BTF3: variants seen among roughly 807,000 people sequenced by gnomAD.
BTF3 encodes the protein transcription factor BTF3.
In BTF3, 12 loss-of-function variants were observed where a neutral mutation model predicts 23.9. That is an observed-to-expected ratio of 0.50 (90% CI 0.32 to 0.81). The LOEUF is 0.81. Among genes scored for constraint, BTF3 ranks in the 40% least tolerant of loss-of-function variants. The pLI, the probability that BTF3 is intolerant of heterozygous loss-of-function variation, is 0.03. For synonymous variants in BTF3, 96 were observed against 94.8 expected (o/e 1.01, Z -0.07); for missense variants, 215 against 255.9 (o/e 0.84, Z 1.09).
Position 73,498,444 on chromosome 5 carries a change from C to T in BTF3, c.-224C>T, listed in dbSNP as rs1338711060. On this transcript the variant is annotated 5_prime_UTR_variant, in exon 1 of 6. Coordinates refer to ENST00000380591, the MANE Select transcript of BTF3 (RefSeq NM_001037637.2). ...TGGCCTTGTGTCACTTCCGGCCTCC[C>T]TTTAGCTGCCATCTTGCGTCCCCGC... 1.5e-5 allele frequency: 8 copies of T among 531,206 alleles called. No homozygotes were observed. The East Asian group carries it at 1.8e-4, about 12-fold the overall frequency. 32.9% of individuals were successfully genotyped at this position (531,206 alleles called of 1,614,324 possible).
chr5:73,501,519 A>G (rs574588124), intron 2 of BTF3, among the ~76,000 whole-genome samples: 22 of 152,336 alleles, frequency 1.4e-4, no homozygotes, highest in Non-Finnish European at 3.2e-4. Context: ...GTAGTTGAGA[A>G]AGACCACTTT....
chr5:73,502,618 G>A lies in BTF3; in HGVS notation c.315+17G>A. 1 of 1,557,574 alleles carries A rather than the reference G, an allele frequency of 6.4e-7. No homozygotes were observed. On this transcript the variant is annotated intron_variant, in intron 3 of 5. Coordinates refer to ENST00000380591, the MANE Select transcript of BTF3 (RefSeq NM_001037637.2). ...ATTGAAGAGGCAAGTATCAAATTTT[G>A]TTACTTTAAAAAACAAGATTTGGCT...
chr5:73,504,449 A>C lies in BTF3; in HGVS notation c.574+46A>C, dbSNP rs779062571. On this transcript the variant is annotated intron_variant, in intron 5 of 5. Coordinates refer to ENST00000380591, the MANE Select transcript of BTF3 (RefSeq NM_001037637.2). ...TTAACCTAGAGAATCTTAGCAAGGG[A>C]GAATAAGAAATCTTTGTAGGAAAAA... The C allele has an allele frequency of 2.0e-6, 3 of 1,518,608 alleles. No homozygotes were observed. In the Admixed American group the frequency reaches 5.8e-5, roughly 29 times the overall value. 94.1% of individuals were successfully genotyped at this position (1,518,608 alleles called of 1,614,324 possible). A position where few individuals can be genotyped will look rare whatever the true frequency, so the allele number is the denominator to read the frequency against.
chr5:73,498,568 G>C lies in BTF3; in HGVS notation c.-100G>C. 1 of 1,396,698 alleles carries C rather than the reference G, an allele frequency of 7.2e-7. No individual in the cohort carries two copies. Among genetic ancestry groups the C allele is most frequent in the South Asian group, 1.6e-5 (1 of 63,266 alleles). The allele number at this position is 1,396,698 out of a possible 1,614,324, so 86.5% of individuals were successfully genotyped here. A position where few individuals can be genotyped will look rare whatever the true frequency, so the allele number is the denominator to read the frequency against. ...TATTCGCTCCGACAAGGTACAAAAA[G>C]GCTCTGGACGGCGGCGTGGTAGGAG... On this transcript the variant is annotated 5_prime_UTR_variant, in exon 1 of 6. Transcript: ENST00000380591.
intron 5 of BTF3, 140 bp from the exon 6 acceptor site, chr5:73,505,052 T>G: frequency 2.9e-6 from 2 of 680,898 alleles, no homozygotes; most frequent in Non-Finnish European, 4.8e-6. Flanking sequence ...TTTTTTTTTT[T>G]GCATTCTTGT....
rs1746371328 is a variant in BTF3, at chr5:73,499,122, C to T, written c.133-12C>T. ...TAAACCTATCCTTGCTGAGGATTTC[C>T]TCTTTTTCTAGATGAAAGAAACAAT... On this transcript the variant is annotated splice_polypyrimidine_tract_variant and intron_variant, in intron 1 of 5. Coordinates refer to ENST00000380591, the MANE Select transcript of BTF3 (RefSeq NM_001037637.2). 1 of 1,605,740 alleles carries T rather than the reference C, an allele frequency of 6.2e-7. No individual in the cohort carries two copies. The highest frequency in any genetic ancestry group is 1.1e-5 in the South Asian group (1 of 89,952).
chr5:73,502,485 T>C lies in BTF3; in HGVS notation c.202-3T>C, dbSNP rs761110349. The C allele has an allele frequency of 8.8e-6, 14 of 1,587,118 alleles. No homozygotes were observed. Among genetic ancestry groups the C allele is most frequent in the South Asian group, 7.0e-5 (6 of 85,836 alleles). Reference sequence around the variant, plus strand: ...TTTTCTTTCCTCTTCTCCCTGACTTTAGGGAACTGCTCGCAGAAAGAAGAA... The same window carrying C: ...TTTTCTTTCCTCTTCTCCCTGACTTCAGGGAACTGCTCGCAGAAAGAAGAA... On this transcript the variant is annotated splice_polypyrimidine_tract_variant and splice_region_variant and intron_variant, in intron 2 of 5. Transcript: ENST00000380591.
intron 5 of BTF3, 70 bp from the exon 6 acceptor site, chr5:73,505,122 C>A: frequency 8.0e-7 from 1 of 1,246,638 alleles, no homozygotes; most frequent in Non-Finnish European, 1.2e-6. Flanking sequence ...TCCTTCATCC[C>A]CTTTTAATAT....
intron 3 of BTF3, 57 bp from the exon 4 acceptor site, chr5:73,502,859 T>C: frequency 6.5e-7 from 1 of 1,543,024 alleles, no homozygotes; most frequent in Non-Finnish European, 8.9e-7. Context: ...TAATAAAACA[T>C]TTGTTTTTAA....
chr5:73,499,004 G>C, intron 1 of BTF3, 130 bp from the exon 2 acceptor site: 1 of 1,249,062 alleles, frequency 8.0e-7, no homozygotes, highest in Non-Finnish European at 1.1e-6. Flanking sequence ...AGCTTTGCGG[G>C]GTGGATTTGG....
rs1348213458 is a variant in BTF3, at chr5:73,499,205, A to G, written c.201+3A>G. The G allele has an allele frequency of 1.2e-6, 2 of 1,612,878 alleles. No homozygotes were observed. Among genetic ancestry groups the G allele is most frequent in the Non-Finnish European group, 1.7e-6 (2 of 1,179,926 alleles). On this transcript the variant is annotated splice_donor_region_variant and intron_variant, in intron 2 of 5. Transcript: ENST00000380591. ...CACAAGTGCGCATTGGTGGGAAAGT[A>G]AGTTTTAATAGTTCGGGTTTGTGGG...
At chr5:73,504,599 G>A in intron 5 of BTF3, 196 bp downstream of exon 5, 1 of 423,586 alleles carries the variant, frequency 2.4e-6, no homozygotes, top group Non-Finnish European at 4.2e-6. Flanking sequence ...TTTCTGTTTG[G>A]GATCCCAAGG....
At position 73,498,638 on chromosome 5, in the gene BTF3, AG is replaced by A; in HGVS notation, c.-27del. ...AGTTCCCTGAAGGAGCGAGACAGGG[AG>A]GGACAGGGCAGAGGAGGAGAGGAAG... On this transcript the variant is annotated 5_prime_UTR_variant, in exon 1 of 6. Coordinates refer to ENST00000380591, the MANE Select transcript of BTF3 (RefSeq NM_001037637.2). The A allele has an allele frequency of 6.8e-7, 1 of 1,467,190 alleles. No homozygotes were observed. The highest frequency in any genetic ancestry group is 8.9e-7 in the Non-Finnish European group (1 of 1,118,898). The allele number at this position is 1,467,190 out of a possible 1,614,324, so 90.9% of individuals were successfully genotyped here. A position where few individuals can be genotyped will look rare whatever the true frequency, so the allele number is the denominator to read the frequency against.
At chr5:73,502,872 A>G in intron 3 of BTF3, 44 bp from the exon 4 acceptor site, 1 of 1,570,008 alleles carries the variant, frequency 6.4e-7, no homozygotes, top group Non-Finnish European at 8.7e-7. Flanking sequence ...GTTTTTAAAG[A>G]GACTGGTCAG....
chr5:73,498,506 C>A lies in BTF3; in HGVS notation c.-162C>A. The A allele has an allele frequency of 9.3e-7, 1 of 1,071,746 alleles. No homozygotes were observed. The highest frequency in any genetic ancestry group is 1.2e-6 in the Non-Finnish European group (1 of 804,608). 66.4% of individuals were successfully genotyped at this position (1,071,746 alleles called of 1,614,324 possible). A position where few individuals can be genotyped will look rare whatever the true frequency, so the allele number is the denominator to read the frequency against. Reference sequence around the variant, plus strand: ...TAATCTCAGGTGGTCCACCCGAGACCCCTTGAGCACCAACCCTAGTCCCCC... The same window carrying A: ...TAATCTCAGGTGGTCCACCCGAGACACCTTGAGCACCAACCCTAGTCCCCC... On this transcript the variant is annotated 5_prime_UTR_variant, in exon 1 of 6. Transcript: ENST00000380591.
intron 5 of BTF3, 138 bp from the exon 6 acceptor site, chr5:73,505,054 C>G: frequency 4.2e-5 from 16 of 384,310 alleles, no homozygotes; most frequent in East Asian, 5.8e-5. Context: ...TTTTTTTTTG[C>G]ATTCTTGTTC....
intron 2 of BTF3, 41 bp from the exon 3 acceptor site, chr5:73,502,447 T>TTTTCAACAGAA (rs762171015): frequency 7.3e-7 from 1 of 1,372,372 alleles, no homozygotes; most frequent in South Asian, 1.3e-5. Context: ...TCTGTTGTGG[T>TTTTCAACAGAA]ATAAATGTGC....
chr5:73,504,495 G>A, intron 5 of BTF3, 92 bp downstream of exon 5: 5 of 982,594 alleles, frequency 5.1e-6, no homozygotes, highest in Non-Finnish European at 7.7e-6. Context: ...AAGAGGGGTG[G>A]TAAGTTAAGA....
rs187701942 is a variant in BTF3, at chr5:73,499,809, C to T, written c.201+607C>T. On this transcript the variant is annotated intron_variant, in intron 2 of 5. Transcript: ENST00000380591. ...TCAGTTTTTGATTAATTGTTTTTTTCCTGGTGGATACTGATTCACATCAAG... is the reference window on the plus strand; with the variant it reads ...TCAGTTTTTGATTAATTGTTTTTTTTCTGGTGGATACTGATTCACATCAAG... Among the ~76,000 whole-genome samples, 45 of 152,108 alleles carry T rather than the reference C, an allele frequency of 3.0e-4. No homozygotes were observed. In the East Asian group the frequency reaches 5.6e-3, roughly 19 times the overall value.
Sources: allele counts gnomAD v4.1 joint callset (sites outside exome capture counted in the v4.1 genomes callset), GRCh38; gene constraint gnomAD v4.1.1; transcripts MANE v1.5; gene names NCBI Gene and HGNC (gene_info 2026-07-23, HGNC 2026-07-21).